The following MTOR variants were observed in gnomAD, a reference collection of about 807,000 sequenced individuals.
MTOR encodes the protein mechanistic target of rapamycin kinase, also known as serine/threonine-protein kinase mTOR.
Under a neutral mutation model 319.8 loss-of-function variants are expected in MTOR, and 70 were observed. The observed-to-expected ratio is 0.22, with a 90% CI of 0.18 to 0.27. MTOR has a LOEUF of 0.27. MTOR is among the 10% of genes least tolerant of loss of function. The pLI is 1.00. For missense variants in MTOR, 1,890 were observed against 3,274.4 expected, an observed-to-expected ratio of 0.58 and a Z score of 10.32; for synonymous variants, 1,183 against 1,211.4, an observed-to-expected ratio of 0.98 and a Z score of 0.49.
intron 26 of MTOR, among the ~76,000 whole-genome samples, chr1:11,203,004 G>T (rs982567129): frequency 6.6e-6 from 1 of 152,106 alleles, no homozygotes; most frequent in Non-Finnish European, 1.5e-5. Flanking sequence ...TTTGAGGTCA[G>T]GAGTTCAAGA....
At chr1:11,151,073 C>G (rs76760286) in intron 30 of MTOR, among the ~76,000 whole-genome samples, 4,539 of 152,196 alleles carry the variant, frequency 0.03, 173 homozygotes, top group Admixed American at 0.071. Context: ...GGCACAAGTT[C>G]TAAGTGGCCC....
At chr1:11,154,110 T>G (rs1327132610) in intron 30 of MTOR, among the ~76,000 whole-genome samples, 1 of 114,564 alleles carries the variant, frequency 8.7e-6, no homozygotes, top group Non-Finnish European at 1.7e-5. Flanking sequence ...AAAAGCCACA[T>G]GTGGCTAGAG....
intron 28 of MTOR, among the ~76,000 whole-genome samples, chr1:11,185,073 A>G (rs1043248462): frequency 6.6e-6 from 1 of 152,156 alleles, no homozygotes; most frequent in Non-Finnish European, 1.5e-5. Context: ...AAACCTAGGT[A>G]TCACTTCTCT....
At chr1:11,148,091 A>T (rs1643997059) in intron 31 of MTOR, among the ~76,000 whole-genome samples, 1 of 152,228 alleles carries the variant, frequency 6.6e-6, no homozygotes, top group Non-Finnish European at 1.5e-5. Flanking sequence ...AAATATTAAC[A>T]AAAGGAGATA....
intron 26 of MTOR, among the ~76,000 whole-genome samples, chr1:11,202,362 G>A (rs754490039): frequency 1.0e-4 from 15 of 148,598 alleles, no homozygotes; most frequent in Admixed American, 3.4e-4. Context: ...TAGAGGTTGC[G>A]GTGAGCCAAG....
Position 11,144,969 on chromosome 1 carries a change from C to G in MTOR, c.4763G>C (p.Gly1588Ala), listed in dbSNP as rs2100509403. ...MAGESYSRAY[G>A]AMVSCHMLSE... ...ATGTGCAGAATAGTTGACACTTACC[C>G]CATATGCCCGACTGTAACTCTCTCC... The change falls in exon 33 of 58, where the codon GGG (glycine) becomes GCG (alanine). Residue 1588 changes from glycine to alanine, a missense_variant and splice_region_variant. Transcript: ENST00000361445. 1.2e-6 allele frequency: 2 copies of G among 1,614,066 alleles called. No individual in the cohort carries two copies. Among genetic ancestry groups the G allele is most frequent in the Non-Finnish European group, 1.7e-6 (2 of 1,179,918 alleles).
At chr1:11,193,508 T>G in intron 28 of MTOR, 2 of 1,401,528 alleles carry the variant, frequency 1.4e-6, no homozygotes, top group Non-Finnish European at 1.9e-6. Flanking sequence ...AGGAACAGGT[T>G]GGGAAGCCTG....
intron 19 of MTOR, among the ~76,000 whole-genome samples, chr1:11,220,987 A>G (rs930188901): frequency 2.5e-5 from 3 of 119,682 alleles, no homozygotes; most frequent in Non-Finnish European, 5.6e-5. Context: ...ATATAACTAA[A>G]ACAAAAGTTA....
chr1:11,130,687 G>A lies in MTOR; in HGVS notation c.5455C>T (p.His1819Tyr), dbSNP rs148876562. 6.2e-7 allele frequency: 1 copy of A among 1,610,266 alleles called. No individual in the cohort carries two copies. Among genetic ancestry groups the A allele is most frequent in the African/African-American group, 1.3e-5 (1 of 74,986 alleles). ...TTGGTGATGTTGGCCCCGCTGGCAT[G>A]ACGCAGTTTCTTCTTCTCATCGCGG... ...QARDEKKKLR[H>Y]ASGANITNAT... The change falls in exon 39 of 58, where the codon CAT becomes TAT. Residue 1819 changes from histidine to tyrosine, a missense_variant. This residue lies in a region of MTOR where 91 missense variants were observed against 90.4 expected (regional missense o/e 1.01). Transcript: ENST00000361445.
intron 37 of MTOR, among the ~76,000 whole-genome samples, chr1:11,134,079 G>C (rs1280063143): frequency 6.6e-6 from 1 of 151,964 alleles, no homozygotes; most frequent in Non-Finnish European, 1.5e-5. Context: ...AAAAGGGAGG[G>C]GCAGCATATC....
At chr1:11,174,483 C>T (rs1644922369) in intron 28 of MTOR, among the ~76,000 whole-genome samples, 1 of 152,212 alleles carries the variant, frequency 6.6e-6, no homozygotes, top group Admixed American at 6.5e-5. Flanking sequence ...AGCATGCCAT[C>T]ACAGCAGGCT....
chr1:11,206,083 G>A (rs755661363), intron 25 of MTOR, among the ~76,000 whole-genome samples: 4 of 152,268 alleles, frequency 2.6e-5, no homozygotes, highest in South Asian at 2.1e-4. Context: ...ACCATACAAC[G>A]AGAACCTCTG....
chr1:11,112,968 A>C (rs781696257), intron 53 of MTOR, 51 bp from the exon 54 acceptor site: 1 of 1,569,398 alleles, frequency 6.4e-7, no homozygotes, highest in East Asian at 2.2e-5. Context: ...TTTGACTTGA[A>C]AGAAACTTGG....
rs1650026682 is a variant in MTOR at position 11,253,887 on chromosome 1, G to C, written c.792C>G (p.Ala264=). Residue 264 remains alanine (A), a synonymous_variant, in exon 6 of 58, where the codon GCC becomes GCG. Transcript: ENST00000361445. ...GGACCAGCTCGTTAAGGATCAACAA[G>C]GCTCCATGGATCCGATCATCCCGAT... ...GMNRDDRIHG[A]LLILNELVRI... is the part of the protein sequence containing the mutation. 1.9e-6 allele frequency: 3 copies of C among 1,614,078 alleles called. No homozygotes were observed. Among genetic ancestry groups the C allele is most frequent in the Non-Finnish European group, 2.5e-6 (3 of 1,180,020 alleles).
At chr1:11,240,603 C>A in intron 10 of MTOR, 56 bp from the exon 11 acceptor site, 1 of 1,567,750 alleles carries the variant, frequency 6.4e-7, no homozygotes, top group Non-Finnish European at 8.7e-7. Flanking sequence ...TCAGTCTGTT[C>A]TTGGGAAGAA....
In MTOR at chr1:11,133,299, C is replaced by A; in HGVS notation, c.5247-102G>T. 3 of 1,029,756 alleles carry A rather than the reference C, an allele frequency of 2.9e-6. No homozygotes were observed. The highest frequency in any genetic ancestry group is 3.0e-6 in the Non-Finnish European group (2 of 677,300). The allele number at this position is 1,029,756 out of a possible 1,614,324, so 63.8% of individuals were successfully genotyped here. The stretch of plus-strand genomic sequence containing the variant: ...GGACACTGAAGCCCTTCTGGTATTT[C>A]CTCTTATTCTCAAGAGGCAATGTGA... On this transcript the variant is annotated intron_variant, in intron 37 of 57. Transcript: ENST00000361445. This position sits in a 1 kb window ranked among gnomAD's most constrained non-coding sequence, Gnocchi z 4.0.
At chr1:11,205,877 T>C (rs780782438) in intron 25 of MTOR, among the ~76,000 whole-genome samples, 4 of 152,184 alleles carry the variant, frequency 2.6e-5, no homozygotes, top group Non-Finnish European at 4.4e-5. Context: ...AACTTTGGAC[T>C]AGTGAAGTGG....
intron 34 of MTOR, among the ~76,000 whole-genome samples, chr1:11,141,707 C>G (rs1473498077): frequency 1.4e-5 from 2 of 147,950 alleles, no homozygotes; most frequent in Non-Finnish European, 3.0e-5. Context: ...AGAAAAAAGG[C>G]GGGGCACGGT....
At chr1:11,197,832 C>A (rs1438726518) in intron 28 of MTOR, among the ~76,000 whole-genome samples, 1 of 152,180 alleles carries the variant, frequency 6.6e-6, no homozygotes, top group African/African-American at 2.4e-5. Flanking sequence ...TGTGAACTAC[C>A]CCGCCCGGCC....
Sources: allele counts gnomAD v4.1 joint callset (sites outside exome capture counted in the v4.1 genomes callset), GRCh38; gene constraint gnomAD v4.1.1; regional missense constraint gnomAD v4.1.1; non-coding constraint Gnocchi (gnomAD v3.1); transcripts MANE v1.5; gene names NCBI Gene and HGNC (gene_info 2026-07-23, HGNC 2026-07-21).